ARHGAP17: variants seen among roughly 807,000 people sequenced by gnomAD.
ARHGAP17 encodes rho GTPase-activating protein 17.
A neutral mutation model predicts 99.5 loss-of-function variants in ARHGAP17; 57 were observed. That is an observed-to-expected ratio of 0.57 (90% CI 0.46 to 0.71). The LOEUF is 0.71. ARHGAP17 is among the 30% of genes least tolerant of loss of function. The pLI, the probability that ARHGAP17 is intolerant of heterozygous loss-of-function variation, is 0.00. For missense variants in ARHGAP17, 1,000 were observed against 1,122.4 expected (o/e 0.89, Z 1.56); for synonymous variants, 417 against 429.6 (o/e 0.97, Z 0.36).
chr16:24,980,017 A>C (rs1418748592), intron 1 of ARHGAP17, among the ~76,000 whole-genome samples: 1 of 152,190 alleles, frequency 6.6e-6, no homozygotes, highest in Non-Finnish European at 1.5e-5. Context: ...GGCGTGAAGG[A>C]AATTTTTAAA....
At chr16:25,009,230 G>T (rs766022012) in intron 1 of ARHGAP17, among the ~76,000 whole-genome samples, 4 of 152,152 alleles carry the variant, frequency 2.6e-5, no homozygotes, top group African/African-American at 9.7e-5. Flanking sequence ...AGCCAGGCTT[G>T]GTGGCTCATG....
Position 24,937,116 on chromosome 16 carries a change from G to GAAA in ARHGAP17, c.1725-1480_1725-1478dup, listed in dbSNP as rs10639914. Among the ~76,000 whole-genome samples, 56 of 130,454 alleles carry GAAA rather than the reference G, an allele frequency of 4.3e-4. 1 individual carries two copies. Among genetic ancestry groups the GAAA allele is most frequent in the African/African-American group, 1.6e-3 (53 of 33,954 alleles). 85.6% of individuals were successfully genotyped at this position (130,454 alleles called of 152,430 possible). On this transcript the variant is annotated intron_variant, in intron 17 of 19. Transcript: ENST00000289968. ...TGGGTGACAGAGCAAGACCCTGTCT[G>GAAA]AAAAAAAAAAAACAACAAAAAACAG...
intron 17 of ARHGAP17, chr16:24,936,271 T>C (rs1004780271): frequency 5.1e-5 from 8 of 157,054 alleles, no homozygotes; most frequent in Admixed American, 3.0e-4. Context: ...AGCAGCAGGA[T>C]AGAGATCAGA....
intron 17 of ARHGAP17, chr16:24,935,941 C>T (rs1041904491): frequency 7.7e-6 from 3 of 392,092 alleles, no homozygotes; most frequent in Admixed American, 3.7e-5. Context: ...CCTGAGTAGC[C>T]GGGACTATAG....
rs2051682422 is a variant in ARHGAP17, at chr16:24,952,790, A to G, written c.964+141T>C. 4.3e-6 allele frequency: 3 copies of G among 692,860 alleles called. No homozygotes were observed. In the East Asian group the frequency reaches 7.7e-5, roughly 18 times the overall value. 42.9% of individuals were successfully genotyped at this position (692,860 alleles called of 1,614,324 possible). A position where few individuals can be genotyped will look rare whatever the true frequency, so the allele number is the denominator to read the frequency against. ...GTGTACATTACATTGTATATACACTAAGGAATTGTAGCAAGAGCCACTTCG... is the reference window on the plus strand; with the variant it reads ...GTGTACATTACATTGTATATACACTGAGGAATTGTAGCAAGAGCCACTTCG... On this transcript the variant is annotated intron_variant, in intron 11 of 19. Transcript: ENST00000289968.
chr16:24,923,745 AAAAG>A (rs2050773642), intron 19 of ARHGAP17, among the ~76,000 whole-genome samples: 2 of 151,602 alleles, frequency 1.3e-5, no homozygotes, highest in Non-Finnish European at 2.9e-5. Flanking sequence ...AAAAAAAAAA[AAAAG>A]AGAGAAACAG....
intron 3 of ARHGAP17, chr16:24,972,504 T>C (rs2052396287): frequency 6.6e-6 from 1 of 152,108 alleles, no homozygotes; most frequent in South Asian, 2.1e-4. Flanking sequence ...AATAAATAAA[T>C]AATGGGCTCC....
intron 1 of ARHGAP17, among the ~76,000 whole-genome samples, chr16:24,983,522 C>T (rs549443494): frequency 2.6e-5 from 4 of 152,212 alleles, no homozygotes; most frequent in Admixed American, 2.6e-4. Flanking sequence ...CCAGGCTGGT[C>T]TCAAACTCCT....
At chr16:24,983,346 A>T (rs2052760215) in intron 1 of ARHGAP17, among the ~76,000 whole-genome samples, 1 of 150,374 alleles carries the variant, frequency 6.7e-6, no homozygotes, top group Non-Finnish European at 1.5e-5. Context: ...TCTACCTCCC[A>T]TGCTGAGTGC....
At chr16:24,922,283 C>A (rs950526254) in intron 19 of ARHGAP17, among the ~76,000 whole-genome samples, 5 of 152,218 alleles carry the variant, frequency 3.3e-5, no homozygotes, top group African/African-American at 1.2e-4. Context: ...TGCAAAGGCA[C>A]TGTGTATACG....
chr16:24,936,478 C>T (rs1368851776), intron 17 of ARHGAP17: 1 of 150,832 alleles, frequency 6.6e-6, no homozygotes, highest in African/African-American at 2.5e-5. Context: ...GGCTGAGGCA[C>T]ATGGATCACT....
chr16:24,978,127 G>A (rs181521174), intron 2 of ARHGAP17, among the ~76,000 whole-genome samples: 8 of 152,262 alleles, frequency 5.3e-5, no homozygotes, highest in African/African-American at 1.9e-4. Flanking sequence ...ATCTTGCAAT[G>A]ACCAGATTTT....
intron 1 of ARHGAP17, among the ~76,000 whole-genome samples, chr16:25,002,431 C>T (rs1009384410): frequency 1.3e-5 from 2 of 152,146 alleles, no homozygotes; most frequent in Admixed American, 1.3e-4. Flanking sequence ...CTTTCCCTTC[C>T]TCCCTGGTCC....
At chr16:24,977,433 C>T (rs867595097) in intron 2 of ARHGAP17, 114 bp from the exon 3 acceptor site, 6 of 771,030 alleles carry the variant, frequency 7.8e-6, no homozygotes, top group Non-Finnish European at 1.0e-5. Flanking sequence ...ATGATCTTGG[C>T]TACACCTTGC....
At chr16:24,935,935 A>T in intron 17 of ARHGAP17, 1 of 404,250 alleles carries the variant, frequency 2.5e-6, no homozygotes, top group East Asian at 5.8e-5. Flanking sequence ...CAGCACCCTG[A>T]GTAGCCGGGA....
chr16:24,951,683 C>T (rs1209463072), intron 12 of ARHGAP17, among the ~76,000 whole-genome samples: 2 of 152,134 alleles, frequency 1.3e-5, no homozygotes, highest in Non-Finnish European at 2.9e-5. Flanking sequence ...TTGTCTCCTC[C>T]TTACAATTTT....
At chr16:25,010,715 T>TA (rs960124976) in intron 1 of ARHGAP17, among the ~76,000 whole-genome samples, 70 of 152,240 alleles carry the variant, frequency 4.6e-4, no homozygotes, top group African/African-American at 1.7e-3. Flanking sequence ...GCCAGCTAGT[T>TA]AAAATGCAGA....
chr16:24,993,095 G>A (rs369454013), intron 1 of ARHGAP17, among the ~76,000 whole-genome samples: 132 of 152,062 alleles, frequency 8.7e-4, no homozygotes, highest in African/African-American at 3.0e-3. Context: ...AAATCTTAAC[G>A]TGCTGGCATT....
intron 1 of ARHGAP17, among the ~76,000 whole-genome samples, chr16:25,003,230 C>CTT (rs564573463): frequency 0.037 from 3,370 of 90,384 alleles, 231 homozygotes; most frequent in African/African-American, 0.072. Context: ...AGCTTTAAAG[C>CTT]TTTTTTTTTT....
Sources: gnomAD v4.1 joint callset for allele counts (sites outside exome capture counted in the v4.1 genomes callset) on GRCh38, gnomAD v4.1.1 for gene constraint, MANE v1.5 for transcripts, NCBI Gene and HGNC (gene_info 2026-07-23, HGNC 2026-07-21) for gene names.